HACD1: variants seen among roughly 807,000 people sequenced by gnomAD.
The protein encoded by HACD1 is very-long-chain (3R)-3-hydroxyacyl-CoA dehydratase 1.
HACD1 carries 41 observed loss-of-function variants against 32.0 expected under a neutral mutation model. That is an observed-to-expected ratio of 1.28 (90% confidence interval 1.00 to 1.66). The LOEUF is 1.66. Ranked by LOEUF, HACD1 falls within the 40% of genes most tolerant of loss-of-function variation. The pLI is 0.00. For synonymous variants in HACD1, 142 were observed against 139.0 expected (o/e 1.02, Z -0.15); for missense variants, 396 against 380.1 (o/e 1.04, Z -0.35).
chr10:17,604,897 G>A (rs1834124245), intron 1 of HACD1, among the ~76,000 whole-genome samples: 1 of 152,086 alleles, frequency 6.6e-6, no homozygotes, highest in African/African-American at 2.4e-5. Context: ...GTAGATATGG[G>A]TTTTCGCCAT....
intron 1 of HACD1, among the ~76,000 whole-genome samples, chr10:17,604,480 C>CAAA (rs11354623): frequency 3.6e-5 from 3 of 82,266 alleles, no homozygotes; most frequent in Non-Finnish European, 4.9e-5. Context: ...CTGTCCGTCT[C>CAAA]AAAAAAAAAA....
rs782115025 is a variant in HACD1, at chr10:17,594,322, C to T, written c.667G>A (p.Ala223Thr). Residue 223 changes from alanine (A) to threonine (T), a missense_variant, in exon 6 of 7, where the codon GCT becomes ACT. By Grantham distance (58) the Ala-to-Thr change is moderately conservative. Transcript: ENST00000361271. ...GVAGELLTIY[A>T]ALPHVKKTGM... ...GTTTTCTTCACATGCGGCAAGGCAG[C>T]GTATATTGTAAGAAGTTCACCAGCA... The T allele has an allele frequency of 1.8e-5, 28 of 1,595,146 alleles. No homozygotes were observed. The highest frequency in any genetic ancestry group is 2.3e-5 in the South Asian group (2 of 87,728).
At chr10:17,604,096 G>A (rs782363586) in intron 1 of HACD1, 49 bp from the exon 2 acceptor site, 2 of 1,267,318 alleles carry the variant, frequency 1.6e-6, no homozygotes, top group Non-Finnish European at 2.2e-6. Context: ...TAATACCACT[G>A]ATTTATACAT....
At chr10:17,608,686 C>A (rs1834183293) in intron 1 of HACD1, among the ~76,000 whole-genome samples, 1 of 151,710 alleles carries the variant, frequency 6.6e-6, no homozygotes, top group Admixed American at 6.6e-5. Flanking sequence ...GGGGTTTCAA[C>A]ATGTTGGCCA....
At chr10:17,593,786 A>C (rs1554815762) in intron 6 of HACD1, among the ~76,000 whole-genome samples, 1 of 152,240 alleles carries the variant, frequency 6.6e-6, no homozygotes, top group Admixed American at 6.5e-5. Context: ...CTACTCCTAG[A>C]TGATTTTTCC....
chr10:17,594,382 A>G lies in HACD1; in HGVS notation c.607T>C (p.Tyr203His), dbSNP rs1833968382. The G allele has an allele frequency of 1.4e-6, 2 of 1,460,476 alleles. No individual in the cohort carries two copies. The highest frequency in any genetic ancestry group is 1.4e-5 in the African/African-American group (1 of 70,490). 90.5% of individuals were successfully genotyped at this position (1,460,476 alleles called of 1,614,324 possible). Reference protein sequence around the residue: ...HLPYFIKWARYNFFIILYPVG... With the variant: ...HLPYFIKWARHNFFIILYPVG... The stretch of plus-strand genomic sequence containing the variant: ...GGATATAAGATGATAAAAAAATTAT[A>G]TCTGGAGAAAGAAAAACCTCAGAGA... Residue 203 changes from tyrosine (Y) to histidine (H), a missense_variant and splice_region_variant, in exon 6 of 7, where the codon TAT (tyrosine) becomes CAT (histidine). Coordinates refer to ENST00000361271, the MANE Select transcript of HACD1 (RefSeq NM_014241.4).
At position 17,603,362 on chromosome 10, in the gene HACD1, C is replaced by T. The variant is rs868936505; in HGVS notation, c.483+198G>A. ...GAGAATATATTACGGATCTAAGATG[C>T]CAATATTTGGGTTTGTTTGTGTATC... On this transcript the variant is annotated intron_variant, in intron 4 of 6. Transcript: ENST00000361271. The T allele has an allele frequency of 2.4e-5, 12 of 500,172 alleles. 1 individual carries two copies. The highest frequency in any genetic ancestry group is 5.2e-4 in the Middle Eastern group (1 of 1,918). 31.0% of individuals were successfully genotyped at this position (500,172 alleles called of 1,614,324 possible). A position where few individuals can be genotyped will look rare whatever the true frequency, so the allele number is the denominator to read the frequency against.
intron 1 of HACD1, among the ~76,000 whole-genome samples, chr10:17,609,311 G>A (rs1194344494): frequency 6.6e-6 from 1 of 151,762 alleles, no homozygotes; most frequent in Non-Finnish European, 1.5e-5. Context: ...CCGCCACCAC[G>A]CCCGGCTAAT....
At chr10:17,600,655 A>G (rs1273713791) in intron 4 of HACD1, among the ~76,000 whole-genome samples, 4 of 152,004 alleles carry the variant, frequency 2.6e-5, no homozygotes, top group African/African-American at 9.7e-5. Flanking sequence ...TACTTTGTTC[A>G]TATCTGTGTT....
chr10:17,600,365 AG>A (rs1282608711), intron 4 of HACD1, among the ~76,000 whole-genome samples: 1 of 152,030 alleles, frequency 6.6e-6, no homozygotes, highest in East Asian at 1.9e-4. Flanking sequence ...TGTGAGACGG[AG>A]TCTTGCTGTG....
At chr10:17,612,120 A>C (rs1203003633) in intron 1 of HACD1, among the ~76,000 whole-genome samples, 2 of 151,808 alleles carry the variant, frequency 1.3e-5, no homozygotes, top group Non-Finnish European at 2.9e-5. Context: ...AAAAAAAAAA[A>C]AAAAAAAAAA....
intron 6 of HACD1, among the ~76,000 whole-genome samples, chr10:17,592,461 A>T (rs1485744673): frequency 2.7e-5 from 4 of 149,118 alleles, no homozygotes; most frequent in Admixed American, 2.0e-4. Context: ...GGAGGGAATT[A>T]AAAAAAAATG....
chr10:17,591,463 A>C (rs1460390660), intron 6 of HACD1, among the ~76,000 whole-genome samples: 1 of 152,194 alleles, frequency 6.6e-6, no homozygotes, highest in Non-Finnish European at 1.5e-5. Flanking sequence ...AACAGAGCCT[A>C]AAGCAGAAGC....
At chr10:17,604,793 C>T (rs1203715813) in intron 1 of HACD1, among the ~76,000 whole-genome samples, 38 of 152,318 alleles carry the variant, frequency 2.5e-4, no homozygotes, top group African/African-American at 2.9e-4. Context: ...GCTGCCTTGA[C>T]GTCCAGGGCT....
At chr10:17,606,373 C>G (rs1554817061) in intron 1 of HACD1, among the ~76,000 whole-genome samples, 2 of 152,056 alleles carry the variant, frequency 1.3e-5, no homozygotes, top group African/African-American at 2.4e-5. Flanking sequence ...TTATTTTTTT[C>G]CAGTTTCCCC....
intron 4 of HACD1, 93 bp from the exon 5 acceptor site, chr10:17,599,504 T>C (rs1834040350): frequency 2.7e-6 from 4 of 1,460,746 alleles, no homozygotes; most frequent in African/African-American, 2.8e-5. Flanking sequence ...CTTTTATTTA[T>C]AATGGAATGT....
rs188722963 is a variant in HACD1, at chr10:17,606,728, G to A, written c.258-2681C>T. 1.2e-4 allele frequency among the ~76,000 whole-genome samples: 19 copies of A among 152,228 alleles called. No homozygotes were observed. In the East Asian group the frequency reaches 1.9e-3, roughly 15 times the overall value. ...AAGCAATGACTTGTTTATCAGATTGGCAAGAAGTCAAGTAAATATCTGAAA... is the reference window on the plus strand; with the variant it reads ...AAGCAATGACTTGTTTATCAGATTGACAAGAAGTCAAGTAAATATCTGAAA... On this transcript the variant is annotated intron_variant, in intron 1 of 6. Coordinates refer to ENST00000361271, the MANE Select transcript of HACD1 (RefSeq NM_014241.4).
intron 4 of HACD1, 81 bp from the exon 5 acceptor site, chr10:17,599,492 G>T: frequency 1.3e-6 from 2 of 1,488,616 alleles, no homozygotes; most frequent in Non-Finnish European, 1.8e-6. Flanking sequence ...CTTATTTATT[G>T]CCTTTTATTT....
intron 1 of HACD1, among the ~76,000 whole-genome samples, chr10:17,605,648 T>TAA (rs556118206): frequency 7.2e-6 from 1 of 139,676 alleles, no homozygotes; most frequent in Admixed American, 7.2e-5. Flanking sequence ...AAAGGTTGTT[T>TAA]AAAAAAAAAA....
Sources: gnomAD v4.1 joint callset for allele counts (sites outside exome capture counted in the v4.1 genomes callset) on GRCh38, gnomAD v4.1.1 for gene constraint, MANE v1.5 for transcripts, NCBI Gene and HGNC (gene_info 2026-07-23, HGNC 2026-07-21) for gene names.